USP30: variants seen among roughly 807,000 people sequenced by gnomAD.
USP30 encodes ubiquitin carboxyl-terminal hydrolase 30.
USP30 carries 41 observed loss-of-function variants against 68.2 expected under a neutral mutation model. The ratio of observed to expected loss-of-function variants is 0.60; its 90% CI spans 0.47 to 0.78. The LOEUF (loss-of-function observed/expected upper bound fraction) is 0.78, where lower values mean the gene tolerates loss of function less well. Ranked by LOEUF, USP30 falls within the 30% of genes least tolerant of loss-of-function variation. The pLI is 0.00. For synonymous variants in USP30, 229 were observed against 253.7 expected (o/e 0.90, Z 0.93); for missense variants, 522 against 649.4 (o/e 0.80, Z 2.13).
chr12:109,041,565 G>A (rs2040565254), intron 3 of USP30, among the ~76,000 whole-genome samples: 1 of 151,932 alleles, frequency 6.6e-6, no homozygotes, highest in African/African-American at 2.4e-5. Context: ...AACCTGGTAG[G>A]TGGAGGTTGC....
Position 109,073,503 on chromosome 12 carries a change from A to C in USP30, c.691A>C (p.Asn231His), listed in dbSNP as rs764363175. 1 of 1,613,842 alleles carries C rather than the reference A, an allele frequency of 6.2e-7. No homozygotes were observed. The highest frequency in any genetic ancestry group is 1.1e-5 in the South Asian group (1 of 91,080). Reference protein sequence around the residue: ...QHPFHGRLTSNMVCKHCEHQS... With the variant: ...QHPFHGRLTSHMVCKHCEHQS... ...TCCTTTTCATGGAAGACTCACTAGT[A>C]ATATGGTCTGCAAACACTGTGAACA... The change falls in exon 7 of 13, where the codon AAT (asparagine) becomes CAT (histidine). Residue 231 changes from asparagine (N) to histidine (H), a missense_variant. Asn to His is a moderately conservative substitution (Grantham distance 68, BLOSUM62 1). Transcript: ENST00000257548.
At chr12:109,074,412 A>G (rs2041533837) in intron 7 of USP30, among the ~76,000 whole-genome samples, 2 of 152,200 alleles carry the variant, frequency 1.3e-5, no homozygotes, top group African/African-American at 2.4e-5. Context: ...GCTAGCTTAT[A>G]TGGTAACTCT....
chr12:109,058,624 TTAA>T (rs1360258121), intron 3 of USP30, among the ~76,000 whole-genome samples: 1 of 151,246 alleles, frequency 6.6e-6, no homozygotes, highest in Non-Finnish European at 1.5e-5. Flanking sequence ...AATTGTCAAG[TTAA>T]TAACAGCTTT....
At chr12:109,083,287 G>A (rs1443501763) in intron 11 of USP30, among the ~76,000 whole-genome samples, 1 of 152,160 alleles carries the variant, frequency 6.6e-6, no homozygotes, top group East Asian at 1.9e-4. Context: ...TATTACAGAT[G>A]AAAAAGTACA....
chr12:109,067,612 A>G lies in USP30; in HGVS notation c.465A>G (p.Ser155=), dbSNP rs780243120. The change falls in exon 4 of 13, where the codon TCA becomes TCG. Residue 155 remains serine (S), a synonymous_variant. Coordinates refer to ENST00000257548, the MANE Select transcript of USP30 (RefSeq NM_032663.5). ...TAAGAATGTACAGATGGCAGATCTC[A>G]TCATTTGAAGAACAGGTGAGTACAA... ...DVLRMYRWQI[S]SFEEQDAHEL... 9 of 1,613,924 alleles carry G rather than the reference A, an allele frequency of 5.6e-6. No homozygotes were observed. The highest frequency in any genetic ancestry group is 7.6e-6 in the Non-Finnish European group (9 of 1,179,924).
At chr12:109,081,615 G>T (rs931953981) in intron 8 of USP30, 18 of 525,602 alleles carry the variant, frequency 3.4e-5, no homozygotes, top group Non-Finnish European at 4.3e-5. Context: ...ACACACGCAC[G>T]CATGCGCGCA....
At chr12:109,048,904 TG>T (rs1391956574), upstream of USP30, among the ~76,000 whole-genome samples, 5 of 152,222 alleles carry the variant, frequency 3.3e-5, no homozygotes, top group African/African-American at 1.2e-4. Context: ...GTCTGTCTTA[TG>T]ATCACTGTTT....
chr12:109,069,306 G>T (rs2041356128), intron 4 of USP30, among the ~76,000 whole-genome samples: 1 of 152,198 alleles, frequency 6.6e-6, no homozygotes, highest in Admixed American at 6.5e-5. Flanking sequence ...GATGCCTGGT[G>T]TGTGAGGGCT....
At chr12:109,037,056 G>A (rs2040526060) in intron 3 of USP30, among the ~76,000 whole-genome samples, 1 of 151,138 alleles carries the variant, frequency 6.6e-6, no homozygotes, top group African/African-American at 2.5e-5. Context: ...TTACCATTAT[G>A]CCTAAATTGG....
At chr12:109,043,530 A>G (rs773632815) in intron 3 of USP30, among the ~76,000 whole-genome samples, 3 of 152,238 alleles carry the variant, frequency 2.0e-5, no homozygotes, top group Admixed American at 1.3e-4. Flanking sequence ...TCTATGTGCA[A>G]AAGAATGAAG....
intron 3 of USP30, among the ~76,000 whole-genome samples, chr12:109,061,078 C>T (rs1244237478): frequency 1.3e-5 from 2 of 152,126 alleles, no homozygotes; most frequent in African/African-American, 4.8e-5. Flanking sequence ...AGCCACTGCA[C>T]CCAGCCATGT....
chr12:109,046,340 C>T (rs2040604614), intron 3 of USP30, among the ~76,000 whole-genome samples: 2 of 151,630 alleles, frequency 1.3e-5, no homozygotes, highest in South Asian at 4.1e-4. Flanking sequence ...GTCTCGATCT[C>T]CTGACCTCGT....
chr12:109,082,642 G>A, intron 9 of USP30, 21 bp from the exon 10 acceptor site: 1 of 1,612,836 alleles, frequency 6.2e-7, no homozygotes, highest in Non-Finnish European at 8.5e-7. Context: ...TTGCTGCAGA[G>A]AAATGTTCCT....
At chr12:109,080,919 C>T (rs1348635769) in intron 7 of USP30, among the ~76,000 whole-genome samples, 2 of 152,204 alleles carry the variant, frequency 1.3e-5, no homozygotes, top group African/African-American at 2.4e-5. Context: ...TTCTTGTAAG[C>T]GCGCTCTGCG....
At chr12:109,036,764 G>C in intron 3 of USP30, among the ~76,000 whole-genome samples, 1 of 151,634 alleles carries the variant, frequency 6.6e-6, no homozygotes, top group Non-Finnish European at 1.5e-5. Flanking sequence ...ACTACCTTTG[G>C]ACCACCAAGG....
At chr12:109,079,339 CTT>C (rs750712233) in intron 7 of USP30, among the ~76,000 whole-genome samples, 10 of 62,280 alleles carry the variant, frequency 1.6e-4, no homozygotes, top group South Asian at 6.2e-4. Flanking sequence ...TTTTCTTTTT[CTT>C]TTTTTTTTTC....
chr12:109,032,808 CCCA>C (rs2040491732), intron 3 of USP30, among the ~76,000 whole-genome samples: 1 of 152,216 alleles, frequency 6.6e-6, no homozygotes, highest in Non-Finnish European at 1.5e-5. Context: ...CTGCCTCCAG[CCCA>C]CCACATTATC....
intron 3 of USP30, among the ~76,000 whole-genome samples, chr12:109,037,170 A>G (rs1416575665): frequency 6.6e-6 from 1 of 151,982 alleles, no homozygotes; most frequent in Non-Finnish European, 1.5e-5. Flanking sequence ...ATGTTCATTG[A>G]TACTTTGCTT....
chr12:109,086,026 A>G lies in USP30; in HGVS notation c.*95A>G. ...TGTTGCGTGTGCAAGCGGCCCCACT[A>G]GAGCCTTCCAGCCTTCTGGTGTGTT... On this transcript the variant is annotated 3_prime_UTR_variant, in exon 13 of 13. Coordinates refer to ENST00000257548, the MANE Select transcript of USP30 (RefSeq NM_032663.5). 2 of 1,473,350 alleles carry G rather than the reference A, an allele frequency of 1.4e-6. No individual in the cohort carries two copies. The highest frequency in any genetic ancestry group is 2.2e-5 in the Admixed American group (1 of 46,314). 91.3% of individuals were successfully genotyped at this position (1,473,350 alleles called of 1,614,324 possible). A position where few individuals can be genotyped will look rare whatever the true frequency, so the allele number is the denominator to read the frequency against.
Sources: gnomAD v4.1 joint callset for allele counts (sites outside exome capture counted in the v4.1 genomes callset) on GRCh38, gnomAD v4.1.1 for gene constraint, MANE v1.5 for transcripts, NCBI Gene and HGNC (gene_info 2026-07-23, HGNC 2026-07-21) for gene names.